Variants in PIK3C3 observed in about 807,000 individuals in gnomAD.
PIK3C3 encodes phosphatidylinositol 3-kinase catalytic subunit type 3, also known as PI3-kinase type 3.
Under a neutral mutation model 126.1 loss-of-function variants are expected in PIK3C3, and 95 were observed. That is an observed-to-expected ratio of 0.75 (90% CI 0.64 to 0.89). The LOEUF (loss-of-function observed/expected upper bound fraction) is 0.89. Among genes scored for constraint, PIK3C3 ranks in the 40% least tolerant of loss-of-function variants. The pLI is 0.00. For synonymous variants in PIK3C3, 374 were observed against 360.0 expected (o/e 1.04, Z -0.44); for missense variants, 829 against 1,063.2 (o/e 0.78, Z 3.06).
intron 12 of PIK3C3, among the ~76,000 whole-genome samples, chr18:42,019,546 C>G (rs1371222062): frequency 6.6e-6 from 1 of 152,124 alleles, no homozygotes; most frequent in Non-Finnish European, 1.5e-5. Context: ...CTGTATATCT[C>G]TTGTTTTTCT....
intron 4 of PIK3C3, 139 bp downstream of exon 4, chr18:41,970,595 A>G: frequency 2.6e-6 from 2 of 780,010 alleles, no homozygotes; most frequent in Non-Finnish European, 4.3e-6. Flanking sequence ...TTGAGATATA[A>G]TTCACATACC....
At chr18:41,998,157 T>G (rs1432812045) in intron 9 of PIK3C3, among the ~76,000 whole-genome samples, 1 of 152,190 alleles carries the variant, frequency 6.6e-6, no homozygotes, top group African/African-American at 2.4e-5. Flanking sequence ...TAGGAAATTC[T>G]TTGTAAATGA....
chr18:42,043,721 A>G lies in PIK3C3; in HGVS notation c.2104-12A>G. 1 of 1,572,264 alleles carries G rather than the reference A, an allele frequency of 6.4e-7. No homozygotes were observed. Among genetic ancestry groups the G allele is most frequent in the South Asian group, 1.1e-5 (1 of 90,044 alleles). Reference sequence around the variant, plus strand: ...TACTTAATTCTAAAACATGTAAATAATGTCTTTTCAGAACTTTTTTAGAAA... The same window carrying G: ...TACTTAATTCTAAAACATGTAAATAGTGTCTTTTCAGAACTTTTTTAGAAA... On this transcript the variant is annotated splice_polypyrimidine_tract_variant and intron_variant, in intron 19 of 24. Coordinates refer to ENST00000262039, the MANE Select transcript of PIK3C3 (RefSeq NM_002647.4).
intron 2 of PIK3C3, among the ~76,000 whole-genome samples, chr18:41,960,136 G>A (rs1038636027): frequency 6.6e-6 from 1 of 152,126 alleles, no homozygotes; most frequent in African/African-American, 2.4e-5. Context: ...AGTTGTGAGA[G>A]TTCTAATAAT....
At chr18:42,036,703 T>A (rs1265942587) in intron 16 of PIK3C3, among the ~76,000 whole-genome samples, 1 of 152,088 alleles carries the variant, frequency 6.6e-6, no homozygotes, top group Admixed American at 6.6e-5. Flanking sequence ...AGGGAAGGAC[T>A]GTGGGGAAAA....
At chr18:42,025,947 C>G (rs1351663591) in intron 13 of PIK3C3, 2 of 152,114 alleles carry the variant, frequency 1.3e-5, no homozygotes, top group African/African-American at 4.8e-5. Context: ...CAGGTAAGCC[C>G]TCAGCTCTCA....
intron 13 of PIK3C3, chr18:42,025,890 A>G (rs543309194): frequency 5.9e-5 from 9 of 152,344 alleles, no homozygotes; most frequent in Non-Finnish European, 7.3e-5. Flanking sequence ...TTGAGCATCT[A>G]TTATGAGCTA....
At position 42,086,494 on chromosome 18, in the gene PIK3C3, G is replaced by T. The variant is rs1410371306; in HGVS notation, c.*5357G>T. On this transcript the variant is annotated 3_prime_UTR_variant, in exon 25 of 25. Coordinates refer to ENST00000262039, the MANE Select transcript of PIK3C3 (RefSeq NM_002647.4). ...TAGTCACAGGATGAGATAGGAGATT[G>T]GCTCAAGATAAGGTCACAAAGACCT... The T allele has an allele frequency of 1.3e-5, 2 of 152,226 alleles. No homozygotes were observed. The highest frequency in any genetic ancestry group is 2.9e-5 in the Non-Finnish European group (2 of 68,048). 9.4% of individuals were successfully genotyped at this position (152,226 alleles called of 1,614,324 possible). A position where few individuals can be genotyped will look rare whatever the true frequency, so the allele number is the denominator to read the frequency against.
At position 42,008,715 on chromosome 18, in the gene PIK3C3, T is replaced by G. The variant is rs188239997; in HGVS notation, c.1170+4174T>G. On this transcript the variant is annotated intron_variant, in intron 10 of 24. Coordinates refer to ENST00000262039, the MANE Select transcript of PIK3C3 (RefSeq NM_002647.4). ...TTTTTGCTTTGTTTTACTCCAATGC[T>G]TATGTCCTTCATGCTTGGAGGACTT... 4.5e-3 allele frequency among the ~76,000 whole-genome samples: 688 copies of G among 152,194 alleles called. 3 individuals are homozygous for G. Among genetic ancestry groups the G allele is most frequent in the African/African-American group, 0.016 (658 of 41,544 alleles).
intron 5 of PIK3C3, among the ~76,000 whole-genome samples, chr18:41,988,945 T>C (rs975747085): frequency 7.2e-5 from 11 of 152,160 alleles, no homozygotes; most frequent in African/African-American, 2.4e-4. Flanking sequence ...TTGCCCAGCC[T>C]TTTTCATATT....
intron 10 of PIK3C3, 101 bp downstream of exon 10, chr18:42,004,642 T>G: frequency 1.1e-6 from 1 of 895,572 alleles, no homozygotes; most frequent in Non-Finnish European, 1.7e-6. Flanking sequence ...AGAGAGAGTG[T>G]GTGCACATGC....
chr18:42,009,809 C>A (rs1982735085), intron 10 of PIK3C3, among the ~76,000 whole-genome samples: 1 of 151,886 alleles, frequency 6.6e-6, no homozygotes, highest in African/African-American at 2.4e-5. Flanking sequence ...ATGTACATAT[C>A]TTTTTTTAAA....
At chr18:42,036,227 C>A (rs187004364) in intron 16 of PIK3C3, among the ~76,000 whole-genome samples, 2 of 152,108 alleles carry the variant, frequency 1.3e-5, no homozygotes, top group Non-Finnish European at 2.9e-5. Flanking sequence ...TTTTTGTTTT[C>A]CCCCAGCATT....
At chr18:42,000,870 C>G (rs1982255314) in intron 9 of PIK3C3, among the ~76,000 whole-genome samples, 1 of 152,088 alleles carries the variant, frequency 6.6e-6, no homozygotes, top group South Asian at 2.1e-4. Flanking sequence ...CCCACCATGT[C>G]CCTCTCATAA....
At chr18:42,063,323 CTG>C (rs1206892067) in intron 22 of PIK3C3, among the ~76,000 whole-genome samples, 125 of 152,312 alleles carry the variant, frequency 8.2e-4, no homozygotes, top group African/African-American at 3.0e-3. Flanking sequence ...CACTGTCTGT[CTG>C]TATCCCTAGT....
intron 9 of PIK3C3, among the ~76,000 whole-genome samples, chr18:41,999,615 G>A (rs1170399835): frequency 1.3e-5 from 2 of 152,092 alleles, no homozygotes; most frequent in African/African-American, 4.8e-5. Flanking sequence ...CAGGTATCAT[G>A]TCCTTGTATT....
At chr18:42,053,771 A>G (rs1984911812) in intron 21 of PIK3C3, among the ~76,000 whole-genome samples, 1 of 152,074 alleles carries the variant, frequency 6.6e-6, no homozygotes. Context: ...GGAAGGCAGT[A>G]TAACTGAAAA....
At chr18:41,996,208 T>C (rs918050280) in intron 8 of PIK3C3, among the ~76,000 whole-genome samples, 1 of 152,198 alleles carries the variant, frequency 6.6e-6, no homozygotes, top group Non-Finnish European at 1.5e-5. Context: ...CTGCATATAC[T>C]GTATACTTTC....
At chr18:41,993,384 G>T in intron 7 of PIK3C3, 43 bp downstream of exon 7, 1 of 1,206,974 alleles carries the variant, frequency 8.3e-7, no homozygotes, top group South Asian at 1.3e-5. Context: ...CTTTTCTTCA[G>T]AGTAATTGTG....
Sources: gnomAD v4.1 joint callset for allele counts (sites outside exome capture counted in the v4.1 genomes callset) on GRCh38, gnomAD v4.1.1 for gene constraint, MANE v1.5 for transcripts, NCBI Gene and HGNC (gene_info 2026-07-23, HGNC 2026-07-21) for gene names.